Variants in SORBS2 observed in about 807,000 individuals in gnomAD.
SORBS2 encodes sorbin and SH3 domain containing 2, also known as sorbin and SH3 domain-containing protein 2.
SORBS2 carries 46 observed loss-of-function variants against 97.7 expected under a neutral mutation model. That is an observed-to-expected ratio of 0.47 (90% CI 0.37 to 0.60). The LOEUF is 0.60. Ranked by LOEUF, SORBS2 falls within the 20% of genes least tolerant of loss-of-function variation. The pLI, the probability that SORBS2 is intolerant of heterozygous loss-of-function variation, is 0.00. For missense variants in SORBS2, 1,316 were observed against 1,282.3 expected (o/e 1.03, Z -0.40); for synonymous variants, 476 against 473.4 (o/e 1.01, Z -0.07).
intron 1 of SORBS2, among the ~76,000 whole-genome samples, chr4:185,807,567 C>T (rs993373692): frequency 1.3e-5 from 2 of 152,100 alleles, no homozygotes; most frequent in South Asian, 2.1e-4. Flanking sequence ...AGTAAAAACC[C>T]GTCTTTGCTG....
At chr4:185,595,044 T>TC (rs1286974201) in intron 12 of SORBS2, among the ~76,000 whole-genome samples, 2 of 152,172 alleles carry the variant, frequency 1.3e-5, no homozygotes, top group Admixed American at 6.5e-5. Flanking sequence ...ACCCCACTGA[T>TC]CCAAGCTTGG....
chr4:185,707,420 G>A (rs1167323099), intron 2 of SORBS2, among the ~76,000 whole-genome samples: 2 of 152,060 alleles, frequency 1.3e-5, no homozygotes, highest in East Asian at 3.8e-4. Context: ...TCATAATCAG[G>A]ATTAATCAGG....
Position 185,623,426 on chromosome 4 carries a change from G to A in SORBS2, c.1703C>T (p.Ser568Phe). Reference sequence around the variant, plus strand: ...TAACATTGTGGTAAATCGAGTGTAGGAGGCCGGGCACCTGCCTTTGCAGGA... The same window carrying A: ...TAACATTGTGGTAAATCGAGTGTAGAAGGCCGGGCACCTGCCTTTGCAGGA... Residue 568 changes from serine (S) to phenylalanine (F), a missense_variant, in exon 7 of 15, where the codon TCC becomes TTC. Ser to Phe is a radical substitution (Grantham distance 155, BLOSUM62 -2). Transcript: ENST00000418609. This position sits in a 1 kb window ranked among gnomAD's most constrained non-coding sequence, Gnocchi z 6.4. 1 of 1,611,510 alleles carries A rather than the reference G, an allele frequency of 6.2e-7. No homozygotes were observed. Among genetic ancestry groups the A allele is most frequent in the Admixed American group, 1.7e-5 (1 of 60,024 alleles).
chr4:185,913,454 T>G (rs991111365), intron 1 of SORBS2, among the ~76,000 whole-genome samples: 14 of 152,202 alleles, frequency 9.2e-5, no homozygotes, highest in Admixed American at 7.9e-4. Context: ...ATTCGCTGAG[T>G]GATTCTTTCG....
Position 185,607,425 on chromosome 4 carries a change from G to T in SORBS2, c.2796+4355C>A. On this transcript the variant is annotated intron_variant, in intron 12 of 14. Transcript: ENST00000418609. This position sits in a 1 kb window ranked among gnomAD's most constrained non-coding sequence, Gnocchi z 5.2. ...TAATAATAATGCATCAAAACATAGC[G>T]ATGGAGAAATGCAGAAAAGATGCGG... is the stretch of plus-strand genomic sequence containing the variant. 1 of 760,576 alleles carries T rather than the reference G, an allele frequency of 1.3e-6. No homozygotes were observed. The highest frequency in any genetic ancestry group is 1.8e-5 in the African/African-American group (1 of 54,124). The allele number at this position is 760,576 out of a possible 1,614,324, so 47.1% of individuals were successfully genotyped here.
At chr4:185,856,665 G>C (rs2149699179) in intron 1 of SORBS2, among the ~76,000 whole-genome samples, 1 of 152,242 alleles carries the variant, frequency 6.6e-6, no homozygotes, top group South Asian at 2.1e-4. Context: ...AAATTCATAT[G>C]TTGATGGCAT....
rs543329276 is a variant in SORBS2, at chr4:185,833,296, T to A, written c.-337-57930A>T. ...CAGCTTATCCACAGCATTCCTTTCA[T>A]GGGAGGTCACTGTCCCCTTTGTTTC... On this transcript the variant is annotated intron_variant, in intron 1 of 20. Transcript: ENST00000284776. Among the ~76,000 whole-genome samples, 207 of 152,350 alleles carry A rather than the reference T, an allele frequency of 1.4e-3. 2 individuals are homozygous for A. Among genetic ancestry groups the A allele is most frequent in the Middle Eastern group, 3.4e-3 (1 of 294 alleles).
intron 2 of SORBS2, among the ~76,000 whole-genome samples, chr4:185,682,922 G>T (rs544861822): frequency 6.6e-6 from 1 of 151,136 alleles, no homozygotes; most frequent in Non-Finnish European, 1.5e-5. Context: ...CCTAAGGCAG[G>T]AGAATGCTTG....
chr4:185,713,125 C>T (rs562480585), intron 2 of SORBS2, among the ~76,000 whole-genome samples: 1 of 152,258 alleles, frequency 6.6e-6, no homozygotes, highest in African/African-American at 2.4e-5. Context: ...TCCTCTGTGT[C>T]CTGGGCCCTC....
intron 1 of SORBS2, among the ~76,000 whole-genome samples, chr4:185,784,844 T>C (rs979566249): frequency 6.6e-6 from 1 of 152,220 alleles, no homozygotes; most frequent in South Asian, 2.1e-4. Context: ...TATCATTTCC[T>C]AATGGAGCAA....
intron 12 of SORBS2, among the ~76,000 whole-genome samples, chr4:185,605,319 T>A (rs1480119778): frequency 6.6e-6 from 1 of 152,248 alleles, no homozygotes; most frequent in Non-Finnish European, 1.5e-5. Context: ...TTTTGCTCTT[T>A]TTGCCCAGAA....
intron 4 of SORBS2, among the ~76,000 whole-genome samples, chr4:185,663,008 G>T (rs1255425579): frequency 6.6e-6 from 1 of 152,156 alleles, no homozygotes; most frequent in Non-Finnish European, 1.5e-5. Context: ...ATGCAGCCTA[G>T]TGCTGATGAC....
intron 4 of SORBS2, among the ~76,000 whole-genome samples, chr4:185,636,677 C>G (rs1216641534): frequency 5.0e-5 from 7 of 140,438 alleles, no homozygotes; most frequent in Non-Finnish European, 1.1e-4. Context: ...GAGATGGAGT[C>G]TCACTCTGTC....
upstream of SORBS2, among the ~76,000 whole-genome samples, chr4:185,660,021 G>A (rs937026590): frequency 2.0e-5 from 3 of 152,122 alleles, no homozygotes; most frequent in African/African-American, 7.2e-5. Flanking sequence ...TAAACTAAGT[G>A]TAAAATTCAT....
chr4:185,798,216 C>T (rs1258229147), intron 1 of SORBS2, among the ~76,000 whole-genome samples: 1 of 152,186 alleles, frequency 6.6e-6, no homozygotes, highest in Non-Finnish European at 1.5e-5. Context: ...CCATTCAATC[C>T]TCCCACCACT....
At chr4:185,853,869 GT>G (rs899996208) in intron 1 of SORBS2, among the ~76,000 whole-genome samples, 2 of 152,154 alleles carry the variant, frequency 1.3e-5, no homozygotes, top group African/African-American at 4.8e-5. Flanking sequence ...TGAAGTCTTT[GT>G]GTCTGGGACT....
intron 1 of SORBS2, among the ~76,000 whole-genome samples, chr4:185,777,988 T>C (rs2099008331): frequency 1.3e-5 from 2 of 152,208 alleles, no homozygotes; most frequent in African/African-American, 4.8e-5. Flanking sequence ...ATCATATCAT[T>C]TTTATATTGA....
chr4:185,636,648 A>ATT (rs1228463050), intron 4 of SORBS2, among the ~76,000 whole-genome samples: 3,580 of 133,970 alleles, frequency 0.027, 156 homozygotes, highest in African/African-American at 0.091. Flanking sequence ...CCAGTTGACT[A>ATT]TTTTTTTTTT....
chr4:185,788,102 T>C (rs2153642557), intron 1 of SORBS2, among the ~76,000 whole-genome samples: 1 of 152,360 alleles, frequency 6.6e-6, no homozygotes, highest in Middle Eastern at 3.4e-3. Context: ...CCAGGGCTGC[T>C]CCAGCGCCAG....
Sources: allele counts gnomAD v4.1 joint callset (sites outside exome capture counted in the v4.1 genomes callset), GRCh38; gene constraint gnomAD v4.1.1; non-coding constraint Gnocchi (gnomAD v3.1); transcripts MANE v1.5; gene names NCBI Gene and HGNC (gene_info 2026-07-23, HGNC 2026-07-21).